Variants in KCNC3 observed in about 807,000 individuals in gnomAD.
KCNC3 encodes the protein potassium voltage-gated channel subfamily C member 3.
A neutral mutation model predicts 43.9 loss-of-function variants in KCNC3; 22 were observed. The ratio of observed to expected loss-of-function variants is 0.50; its 90% CI spans 0.36 to 0.72. The LOEUF (loss-of-function observed/expected upper bound fraction) is 0.72, where lower values mean the gene tolerates loss of function less well. Ranked by LOEUF, KCNC3 falls within the 30% of genes least tolerant of loss-of-function variation. KCNC3 has a pLI of 0.00. For synonymous variants in KCNC3, 492 were observed against 488.0 expected, an observed-to-expected ratio of 1.01 and a Z score of -0.11; for missense variants, 829 against 1,073.8, an observed-to-expected ratio of 0.77 and a Z score of 3.19.
rs532451772 is a variant in KCNC3 at position 50,313,251 on chromosome 19, T to G, written c.*2864A>C. On this transcript the variant is annotated 3_prime_UTR_variant, in exon 5 of 5. Transcript: ENST00000477616. ...GGGCTGGGATCCCAGCCGAGCTGGG[T>G]GTTGTCGGTTCCCAATCTTCTGATA... 2 of 152,074 alleles carry G rather than the reference T, an allele frequency of 1.3e-5. No individual in the cohort carries two copies. Among genetic ancestry groups the G allele is most frequent in the South Asian group, 4.2e-4 (2 of 4,806 alleles). 9.4% of individuals were successfully genotyped at this position (152,074 alleles called of 1,614,324 possible).
chr19:50,324,188 C>G lies in KCNC3; in HGVS notation c.871-106G>C. On this transcript the variant is annotated intron_variant, in intron 1 of 4. Transcript: ENST00000477616. The surrounding 1 kb of genome is among the most constrained non-coding windows in gnomAD (Gnocchi z 4.1). ...TGCCCCCTTCCCCAGCCTCCTGGGC[C>G]CAAACTCTGGGCAAAATCCAGGTGT... 8.4e-7 allele frequency: 1 copy of G among 1,196,664 alleles called. No homozygotes were observed. The highest frequency in any genetic ancestry group is 1.6e-5 in the South Asian group (1 of 63,790). 74.1% of individuals were successfully genotyped at this position (1,196,664 alleles called of 1,614,324 possible). A position where few individuals can be genotyped will look rare whatever the true frequency, so the allele number is the denominator to read the frequency against.
upstream of KCNC3, among the ~76,000 whole-genome samples, chr19:50,333,074 C>T (rs2037205377): frequency 1.3e-5 from 2 of 152,208 alleles, no homozygotes; most frequent in African/African-American, 4.8e-5. Context: ...CGAGGGGAAT[C>T]TCCCCGCTAT....
At chr19:50,330,157 G>C (rs141933408), upstream of KCNC3, among the ~76,000 whole-genome samples, 2,384 of 152,156 alleles carry the variant, frequency 0.016, 62 homozygotes, top group African/African-American at 0.054. Flanking sequence ...GTCCCAGCTA[G>C]TCGGGAGGTT....
At chr19:50,326,098 C>T (rs1601100674) in intron 1 of KCNC3, among the ~76,000 whole-genome samples, 1 of 152,112 alleles carries the variant, frequency 6.6e-6, no homozygotes, top group Non-Finnish European at 1.5e-5. Flanking sequence ...TAGGGTCGGA[C>T]CCTCCACTTT....
chr19:50,323,940 G>A lies in KCNC3; in HGVS notation c.1013C>T (p.Thr338Ile), dbSNP rs755008922. ...PIPGAPPENI[T>I]NVEVETEPFL... is the part of the protein sequence containing the mutation. ...GGGCTCCGTCTCCACCTCCACGTTG[G>A]TGATGTTCTCCGGAGGTGCCCCGGG... is the stretch of plus-strand genomic sequence containing the variant. The change falls in exon 2 of 5, where the codon ACC (threonine) becomes ATC (isoleucine). Residue 338 changes from threonine (T) to isoleucine (I), a missense_variant. This residue lies in a region of KCNC3 where 157 missense variants were observed against 293.5 expected (regional missense o/e 0.53). Transcript: ENST00000477616. 2 of 1,614,174 alleles carry A rather than the reference G, an allele frequency of 1.2e-6. No homozygotes were observed.
chr19:50,323,179 C>A lies in KCNC3; in HGVS notation c.1774G>T (p.Gly592Trp). The A allele has an allele frequency of 2.6e-6, 4 of 1,510,748 alleles. No individual in the cohort carries two copies. The highest frequency in any genetic ancestry group is 1.4e-5 in the African/African-American group (1 of 72,548). The allele number at this position is 1,510,748 out of a possible 1,614,324, so 93.6% of individuals were successfully genotyped here. Reference sequence around the variant, plus strand: ...ATGGGTGGCGGCGGGCTGATGCCCCCGCTGCCGTGGTGCGGGTGGGGCGGG... The same window carrying A: ...ATGGGTGGCGGCGGGCTGATGCCCCAGCTGCCGTGGTGCGGGTGGGGCGGG... ...PPPPHPHHGS[G>W]GISPPPPITP... is the part of the protein sequence containing the mutation. Residue 592 changes from glycine (G) to tryptophan (W), a missense_variant, in exon 2 of 5, where the codon GGG becomes TGG. By Grantham distance (184) the Gly-to-Trp change is radical (BLOSUM62 -2). This residue lies in a region of KCNC3 where 308 missense variants were observed against 276.2 expected (regional missense o/e 1.11). Coordinates refer to ENST00000477616, the MANE Select transcript of KCNC3 (RefSeq NM_004977.3).
At position 50,323,896 on chromosome 19, in the gene KCNC3, C is replaced by A. The variant is rs2037069366; in HGVS notation, c.1057G>T (p.Gly353Trp). 6.2e-7 allele frequency: 1 copy of A among 1,614,196 alleles called. No homozygotes were observed. Among genetic ancestry groups the A allele is most frequent in the Non-Finnish European group, 8.5e-7 (1 of 1,180,040 alleles). The change falls in exon 2 of 5, where the codon GGG becomes TGG. Residue 353 changes from glycine (G) to tryptophan (W), a missense_variant. Physicochemically the swap from Gly to Trp is radical, Grantham distance 184. This residue lies in a region of KCNC3 where 157 missense variants were observed against 293.5 expected (regional missense o/e 0.53). Transcript: ENST00000477616. ...ETEPFLTYVE[G>W]VCVVWFTFEF... ...AAGGTGAACCAGACCACGCACACCC[C>A]CTCCACGTAGGTCAGGAAGGGCTCC...
upstream of KCNC3, among the ~76,000 whole-genome samples, chr19:50,330,225 C>G (rs547883769): frequency 6.6e-6 from 1 of 152,078 alleles, no homozygotes; most frequent in African/African-American, 2.4e-5. Context: ...CGAGATCGCA[C>G]CACTCCACTC....
Position 50,315,268 on chromosome 19 carries a change from G to A in KCNC3, c.*847C>T, listed in dbSNP as rs934404128. ...AATCGGGGAGTCAGTCAACATCGAT[G>A]AGAAAGGGGGAGACATCGGGGAGGG... On this transcript the variant is annotated 3_prime_UTR_variant, in exon 5 of 5. Transcript: ENST00000477616. Among the ~76,000 whole-genome samples, 2 of 151,710 alleles carry A rather than the reference G, an allele frequency of 1.3e-5. No homozygotes were observed. The highest frequency in any genetic ancestry group is 4.8e-5 in the African/African-American group (2 of 41,244).
chr19:50,328,383 C>A lies in KCNC3; in HGVS notation c.700G>T (p.Gly234Cys), dbSNP rs912072477. The A allele has an allele frequency of 1.8e-5, 23 of 1,260,844 alleles. No homozygotes were observed. The African/African-American group carries it at 3.3e-4, about 18-fold the overall frequency. The allele number at this position is 1,260,844 out of a possible 1,614,324, so 78.1% of individuals were successfully genotyped here. Residue 234 changes from glycine (G) to cysteine (C), a missense_variant, in exon 1 of 5, where the codon GGC becomes TGC. By Grantham distance (159) the Gly-to-Cys change is radical. Transcript: ENST00000477616. ...LDDEAGAGGG[G>C]LDGAGGELKR... ...AGCTCGCCGCCCGCTCCGTCCAGGC[C>A]GCCGCCGCCCGCGCCCGCCTCGTCG...
upstream of KCNC3, among the ~76,000 whole-genome samples, chr19:50,331,070 G>A (rs1394686320): frequency 7.0e-6 from 1 of 142,306 alleles, no homozygotes; most frequent in African/African-American, 2.6e-5. Flanking sequence ...CCCCGCTCCC[G>A]TTTCTGGGTT....
At chr19:50,325,795 G>A (rs911833381) in intron 1 of KCNC3, among the ~76,000 whole-genome samples, 2 of 152,160 alleles carry the variant, frequency 1.3e-5, no homozygotes, top group Non-Finnish European at 2.9e-5. Flanking sequence ...CAGCCGCAGC[G>A]GCTAGGGGCC....
rs750613230 is a variant in KCNC3, at chr19:50,324,052, G to C, written c.901C>G (p.Leu301Val). 6.2e-7 allele frequency: 1 copy of C among 1,603,306 alleles called. No homozygotes were observed. Among genetic ancestry groups the C allele is most frequent in the Non-Finnish European group, 8.5e-7 (1 of 1,173,366 alleles). Residue 301 changes from leucine (L) to valine (V), a missense_variant, in exon 2 of 5, where the codon CTC (leucine) becomes GTC (valine). Coordinates refer to ENST00000477616, the MANE Select transcript of KCNC3 (RefSeq NM_004977.3). This position sits in a 1 kb window ranked among gnomAD's most constrained non-coding sequence, Gnocchi z 4.1. ...YVAFASLFFI[L>V]ISITTFCLET... The stretch of plus-strand genomic sequence containing the variant: ...AGGCAGAAGGTGGTGATGGAGATGA[G>C]GATGAAGAAGAGGGAGGCGAAGGCC...
In KCNC3 at chr19:50,315,198, A is replaced by C. The variant is rs989790794; in HGVS notation, c.*917T>G. Among the ~76,000 whole-genome samples, 1 of 152,184 alleles carries C rather than the reference A, an allele frequency of 6.6e-6. No individual in the cohort carries two copies. The highest frequency in any genetic ancestry group is 1.5e-5 in the Non-Finnish European group (1 of 67,990). ...CACAAAAGGACGGATGACAAGAGAC[A>C]GATGGACAGAGATGGACCAAGGAGA... On this transcript the variant is annotated 3_prime_UTR_variant, in exon 5 of 5. Coordinates refer to ENST00000477616, the MANE Select transcript of KCNC3 (RefSeq NM_004977.3).
chr19:50,323,675 C>T lies in KCNC3; in HGVS notation c.1278G>A (p.Lys426=), dbSNP rs2037066314. 1 of 1,614,074 alleles carries T rather than the reference C, an allele frequency of 6.2e-7. No individual in the cohort carries two copies. The highest frequency in any genetic ancestry group is 1.3e-5 in the African/African-American group (1 of 74,958). Residue 426 remains lysine, a synonymous_variant, in exon 2 of 5, where the codon AAG becomes AAA. Coordinates refer to ENST00000477616, the MANE Select transcript of KCNC3 (RefSeq NM_004977.3). ...GCAGCCCCACGAAGTGCCGGGTCAG[C>T]TTGAAGATGCGCAGGATGCGGACGA... ...VRFVRILRIF[K]LTRHFVGLRV...
chr19:50,329,798 GAGA>G (rs1266446640), upstream of KCNC3: 1 of 152,436 alleles, frequency 6.6e-6, no homozygotes, highest in African/African-American at 2.4e-5. Flanking sequence ...TAGACTCGGT[GAGA>G]AGGTGTTGAA....
At chr19:50,320,886 C>T (rs1006128927) in intron 2 of KCNC3, 102 bp from the exon 3 acceptor site, 35 of 1,154,138 alleles carry the variant, frequency 3.0e-5, no homozygotes, top group Non-Finnish European at 4.1e-5. Flanking sequence ...CTGGGATGGT[C>T]GGCGGATGTT....
upstream of KCNC3, among the ~76,000 whole-genome samples, chr19:50,332,153 G>A (rs1200209197): frequency 6.6e-6 from 1 of 152,200 alleles, no homozygotes; most frequent in East Asian, 1.9e-4. This position sits in a 1 kb window ranked among gnomAD's most constrained non-coding sequence, Gnocchi z 5.8. Flanking sequence ...ACTGGGCTGG[G>A]GCTGGATGAG....
intron 2 of KCNC3, among the ~76,000 whole-genome samples, chr19:50,322,407 C>T (rs905964324): frequency 2.6e-5 from 4 of 152,112 alleles, no homozygotes; most frequent in South Asian, 4.1e-4. Flanking sequence ...CCTGACTCTC[C>T]GTTTTGAAGT....
Sources: gnomAD v4.1 joint callset for allele counts (sites outside exome capture counted in the v4.1 genomes callset) on GRCh38, gnomAD v4.1.1 for gene constraint, gnomAD v4.1.1 regional missense constraint, Gnocchi (gnomAD v3.1) non-coding constraint, MANE v1.5 for transcripts, NCBI Gene and HGNC (gene_info 2026-07-23, HGNC 2026-07-21) for gene names.